The following PACRG variants were observed in gnomAD, a reference collection of about 807,000 sequenced individuals.
PACRG encodes parkin coregulated.
In PACRG, 29 loss-of-function variants were observed where a neutral mutation model predicts 29.7. The observed-to-expected ratio is 0.98, with a 90% confidence interval of 0.73 to 1.33. The LOEUF is 1.33. Among genes scored for constraint, PACRG ranks in the 40% most tolerant of loss-of-function variants. PACRG has a pLI of 0.00. For missense variants in PACRG, 279 were observed against 316.2 expected (o/e 0.88, Z 0.89); for synonymous variants, 116 against 118.7 (o/e 0.98, Z 0.15).
intron 2 of PACRG, among the ~76,000 whole-genome samples, chr6:162,920,814 G>A (rs1406700771): frequency 6.6e-6 from 1 of 152,088 alleles, no homozygotes; most frequent in Non-Finnish European, 1.5e-5. Context: ...TGAACAGAAG[G>A]TAGAGTTCAT....
chr6:162,883,684 C>T (rs1794087810), intron 2 of PACRG, among the ~76,000 whole-genome samples: 1 of 145,742 alleles, frequency 6.9e-6, no homozygotes, highest in African/African-American at 2.5e-5. Flanking sequence ...TTTTCAAAAA[C>T]TGTGTGTGTG....
chr6:163,074,637 T>G (rs915616850), intron 3 of PACRG, among the ~76,000 whole-genome samples: 1 of 108,956 alleles, frequency 9.2e-6, no homozygotes, highest in Non-Finnish European at 1.7e-5. Flanking sequence ...TATTACACAT[T>G]GCATGCCTGT....
intron 4 of PACRG, among the ~76,000 whole-genome samples, chr6:163,293,893 C>A (rs2128187965): frequency 6.6e-6 from 1 of 152,032 alleles, no homozygotes; most frequent in African/African-American, 2.4e-5. Flanking sequence ...CAATACTAAC[C>A]ACATTTTGAT....
At chr6:163,269,964 AAAGAAAG>A (rs1415101061) in intron 4 of PACRG, among the ~76,000 whole-genome samples, 5 of 83,098 alleles carry the variant, frequency 6.0e-5, no homozygotes, top group Non-Finnish European at 7.5e-5. Context: ...AGAAAGAAAG[AAAGAAAG>A]AAAGAAAGAA....
chr6:163,036,888 CCATCCATCCAT>C (rs1808246786), intron 2 of PACRG, among the ~76,000 whole-genome samples: 5 of 151,608 alleles, frequency 3.3e-5, no homozygotes, highest in Admixed American at 2.0e-4. Context: ...ATCCATCCAT[CCATCCATCCAT>C]CCATCCATCC....
intron 4 of PACRG, among the ~76,000 whole-genome samples, chr6:163,130,044 C>T (rs1367710713): frequency 2.0e-5 from 3 of 152,108 alleles, no homozygotes; most frequent in African/African-American, 7.2e-5. Context: ...TTCCTGGGGA[C>T]ATAGTGGGAC....
In PACRG at chr6:163,152,497, A is replaced by G. The variant is rs78841167; in HGVS notation, c.613+63089A>G. On this transcript the variant is annotated intron_variant, in intron 4 of 4. Transcript: ENST00000366888. ...TAACACATCTAGATCCCTCAGCAAC[A>G]TTTTAAAACCACCTGTTTCTATTTT... Among the ~76,000 whole-genome samples, 876 of 152,310 alleles carry G rather than the reference A, an allele frequency of 5.8e-3. 11 individuals are homozygous for G. Among genetic ancestry groups the G allele is most frequent in the African/African-American group, 0.02 (834 of 41,576 alleles).
At chr6:163,291,764 G>T (rs1012077470) in intron 4 of PACRG, among the ~76,000 whole-genome samples, 1 of 152,232 alleles carries the variant, frequency 6.6e-6, no homozygotes, top group Non-Finnish European at 1.5e-5. Context: ...CACCTTCACA[G>T]ATTTTCATAA....
chr6:163,097,951 T>G (rs1814752246), intron 4 of PACRG, among the ~76,000 whole-genome samples: 1 of 152,124 alleles, frequency 6.6e-6, no homozygotes, highest in Non-Finnish European at 1.5e-5. Flanking sequence ...GACACAACTT[T>G]CTCCCCACTA....
intron 2 of PACRG, among the ~76,000 whole-genome samples, chr6:162,831,224 C>A (rs1788744907): frequency 6.6e-6 from 1 of 152,138 alleles, no homozygotes; most frequent in African/African-American, 2.4e-5. Flanking sequence ...AACGCATACA[C>A]CACCACTTAT....
intron 4 of PACRG, among the ~76,000 whole-genome samples, chr6:163,100,049 G>A (rs1814953569): frequency 6.6e-6 from 1 of 152,070 alleles, no homozygotes; most frequent in Non-Finnish European, 1.5e-5. Context: ...CCCCGCCGCT[G>A]AGGTCAGGAG....
chr6:163,122,546 C>T (rs937792011), intron 4 of PACRG, among the ~76,000 whole-genome samples: 1 of 152,166 alleles, frequency 6.6e-6, no homozygotes, highest in Non-Finnish European at 1.5e-5. Flanking sequence ...TGGCACCTCC[C>T]CCTCGCTCTC....
chr6:162,976,399 A>G (rs1163453655), intron 2 of PACRG, among the ~76,000 whole-genome samples: 1 of 152,128 alleles, frequency 6.6e-6, no homozygotes, highest in Non-Finnish European at 1.5e-5. Flanking sequence ...GGTGGGAGGG[A>G]GATAGAAATC....
chr6:162,986,709 T>G (rs1258393540), intron 2 of PACRG, among the ~76,000 whole-genome samples: 1 of 152,120 alleles, frequency 6.6e-6, no homozygotes, highest in African/African-American at 2.4e-5. Flanking sequence ...GATAATTAGA[T>G]AGGACTTTAT....
At chr6:162,937,854 T>C (rs1038250139) in intron 2 of PACRG, among the ~76,000 whole-genome samples, 5 of 152,056 alleles carry the variant, frequency 3.3e-5, no homozygotes, top group African/African-American at 9.7e-5. Flanking sequence ...ACAATACCAC[T>C]CCCTTGCTTA....
chr6:163,029,816 C>G (rs773956483), intron 2 of PACRG, among the ~76,000 whole-genome samples: 2 of 152,174 alleles, frequency 1.3e-5, no homozygotes, highest in African/African-American at 4.8e-5. Context: ...AGTCATCCAA[C>G]CAGCTGTAGA....
At chr6:162,964,093 G>A (rs1240673864) in intron 2 of PACRG, among the ~76,000 whole-genome samples, 1 of 152,170 alleles carries the variant, frequency 6.6e-6, no homozygotes, top group Non-Finnish European at 1.5e-5. Flanking sequence ...TAGGGTACTA[G>A]TAATGCTGGA....
intron 2 of PACRG, among the ~76,000 whole-genome samples, chr6:163,052,341 A>G (rs1256327073): frequency 2.0e-5 from 3 of 152,230 alleles, no homozygotes; most frequent in African/African-American, 7.2e-5. Flanking sequence ...GGTAATTATA[A>G]CAGCAGTCAT....
intron 1 of PACRG, among the ~76,000 whole-genome samples, chr6:162,735,023 C>T (rs1780058271): frequency 6.6e-6 from 1 of 152,196 alleles, no homozygotes; most frequent in South Asian, 2.1e-4. Context: ...CTTTCATCAA[C>T]ATTCTGTTTG....
Sources: gnomAD v4.1 joint callset for allele counts (sites outside exome capture counted in the v4.1 genomes callset) on GRCh38, gnomAD v4.1.1 for gene constraint, MANE v1.5 for transcripts, NCBI Gene and HGNC (gene_info 2026-07-23, HGNC 2026-07-21) for gene names.